The following C2orf78 variants were observed in gnomAD, a reference collection of about 807,000 sequenced individuals.
C2orf78 encodes uncharacterized protein C2orf78.
C2orf78 carries 12 observed loss-of-function variants against 21.4 expected under a neutral mutation model. The observed-to-expected ratio is 0.56, with a 90% CI of 0.36 to 0.91. C2orf78 has a LOEUF of 0.91. Ranked by LOEUF, C2orf78 falls within the 40% of genes least tolerant of loss-of-function variation. C2orf78 has a pLI of 0.01. For synonymous variants in C2orf78, 396 were observed against 413.9 expected (o/e 0.96, Z 0.52); for missense variants, 1,042 against 1,092.4 (o/e 0.95, Z 0.65).
chr2:73,812,999 C>A (rs1458407819), intron 1 of C2orf78, among the ~76,000 whole-genome samples: 5 of 152,098 alleles, frequency 3.3e-5, no homozygotes, highest in Admixed American at 2.0e-4. Context: ...AGAAAAGACT[C>A]CTGGCAAGGA....
chr2:73,811,318 C>T (rs1166244172), intron 1 of C2orf78, among the ~76,000 whole-genome samples: 3 of 151,886 alleles, frequency 2.0e-5, no homozygotes, highest in East Asian at 1.9e-4. Flanking sequence ...ATGTTGCTTC[C>T]TACAAACAAG....
rs1241094442 is a variant in C2orf78, at chr2:73,811,590, A to T, written c.98-1887A>T. On this transcript the variant is annotated intron_variant, in intron 1 of 2. Transcript: ENST00000409561. Reference sequence around the variant, plus strand: ...ATAATGGACTGCTTTTAGACCTAAGAATAAAAAGTCAAGCCACATATCAGC... The same window carrying T: ...ATAATGGACTGCTTTTAGACCTAAGTATAAAAAGTCAAGCCACATATCAGC... 1.6e-4 allele frequency among the ~76,000 whole-genome samples: 25 copies of T among 152,204 alleles called. 1 individual carries two copies. The highest frequency in any genetic ancestry group is 1.6e-3 in the Admixed American group (25 of 15,268).
chr2:73,809,556 G>C (rs1257186971), intron 1 of C2orf78, among the ~76,000 whole-genome samples: 1 of 151,916 alleles, frequency 6.6e-6, no homozygotes, highest in Non-Finnish European at 1.5e-5. Context: ...AGCCTGAGGT[G>C]GGAGGATCGC....
chr2:73,817,025 G>A lies in C2orf78; in HGVS notation c.*33G>A, dbSNP rs545818920. ...GATTGTTGGTTTTACTTTGGATACCGCTGGTTTTCCACATATATAGATAGA... is the reference window on the plus strand; with the variant it reads ...GATTGTTGGTTTTACTTTGGATACCACTGGTTTTCCACATATATAGATAGA... On this transcript the variant is annotated 3_prime_UTR_variant, in exon 3 of 3. Transcript: ENST00000409561. 3.6e-5 allele frequency: 56 copies of A among 1,569,284 alleles called. No homozygotes were observed. In the Middle Eastern group the frequency reaches 5.1e-4, roughly 14 times the overall value.
exon 3 of C2orf78, chr2:73,816,304 T>C: frequency 6.2e-7 from 1 of 1,613,796 alleles, no homozygotes; most frequent in South Asian, 1.1e-5. Flanking sequence ...GCCCAGAAAC[T>C]AGATGGTAGT....
intron 1 of C2orf78, among the ~76,000 whole-genome samples, chr2:73,785,777 T>C (rs1672914103): frequency 6.6e-6 from 1 of 152,030 alleles, no homozygotes; most frequent in Non-Finnish European, 1.5e-5. Context: ...CCAGGCTCGG[T>C]GGCTTACACC....
intron 1 of C2orf78, among the ~76,000 whole-genome samples, chr2:73,785,589 G>A (rs1672909858): frequency 6.6e-6 from 1 of 151,210 alleles, no homozygotes; most frequent in Non-Finnish European, 1.5e-5. Context: ...GCAAAATGAA[G>A]TTGATTTTAG....
chr2:73,809,811 A>G lies in C2orf78; in HGVS notation c.98-3666A>G, dbSNP rs147295226. On this transcript the variant is annotated intron_variant, in intron 1 of 2. Coordinates refer to ENST00000409561, the Ensembl canonical transcript of C2orf78. Reference sequence around the variant, plus strand: ...AGAAACAAATAAACAAACAAAAGTAATATTCATGTTTTGGACATTCCTATC... The same window carrying G: ...AGAAACAAATAAACAAACAAAAGTAGTATTCATGTTTTGGACATTCCTATC... 6.4e-3 allele frequency among the ~76,000 whole-genome samples: 976 copies of G among 152,216 alleles called. 9 individuals carry two copies. The highest frequency in any genetic ancestry group is 0.021 in the African/African-American group (891 of 41,514).
chr2:73,813,466 G>C lies in C2orf78; in HGVS notation c.98-11G>C, dbSNP rs1673128119. On this transcript the variant is annotated splice_polypyrimidine_tract_variant and intron_variant, in intron 1 of 2. Coordinates refer to ENST00000409561, the Ensembl canonical transcript of C2orf78. ...TCATCGGTTTTTTCATCTCTCTCTT[G>C]TTTCCTACAGAATATTTCCAAAATA... 1.3e-6 allele frequency: 2 copies of C among 1,573,814 alleles called. No individual in the cohort carries two copies. Among genetic ancestry groups the C allele is most frequent in the South Asian group, 2.4e-5 (2 of 84,568 alleles).
intron 1 of C2orf78, among the ~76,000 whole-genome samples, chr2:73,792,508 C>T (rs1672945474): frequency 1.4e-5 from 2 of 145,540 alleles, no homozygotes; most frequent in South Asian, 4.2e-4. Context: ...AAAGAATTGT[C>T]TATTTTGTTA....
chr2:73,809,235 G>T (rs1378033141), intron 1 of C2orf78, among the ~76,000 whole-genome samples: 1 of 152,042 alleles, frequency 6.6e-6, no homozygotes, highest in Non-Finnish European at 1.5e-5. Flanking sequence ...CATTTCAACA[G>T]AAACAGAGAA....
exon 3 of C2orf78, chr2:73,816,623 C>G: frequency 6.2e-7 from 1 of 1,613,394 alleles, no homozygotes; most frequent in Non-Finnish European, 8.5e-7. Flanking sequence ...CCAACCCTAC[C>G]CAGCCTACTG....
chr2:73,812,526 C>G (rs1673110339), intron 1 of C2orf78, among the ~76,000 whole-genome samples: 1 of 152,082 alleles, frequency 6.6e-6, no homozygotes, highest in South Asian at 2.1e-4. Context: ...CTTGGCCAGG[C>G]ATTGTGGCTC....
intron 1 of C2orf78, among the ~76,000 whole-genome samples, chr2:73,807,067 G>T (rs1307745215): frequency 6.9e-6 from 1 of 144,580 alleles, no homozygotes; most frequent in Non-Finnish European, 1.5e-5. Context: ...TGTAATCCCA[G>T]CTACTCGGGA....
intron 1 of C2orf78, among the ~76,000 whole-genome samples, chr2:73,810,049 A>G (rs1673046767): frequency 1.3e-5 from 2 of 152,194 alleles, no homozygotes; most frequent in African/African-American, 2.4e-5. Context: ...AGTGAAATCT[A>G]TTCAAAATAG....
chr2:73,816,947 G>A lies in C2orf78; in HGVS notation c.2724G>A (p.Arg908=), dbSNP rs767988843. The A allele has an allele frequency of 2.4e-5, 38 of 1,611,414 alleles. No homozygotes were observed. In the Middle Eastern group the frequency reaches 6.6e-4, roughly 28 times the overall value. Residue 908 remains arginine, a synonymous_variant, in exon 3 of 3, where the codon AGG becomes AGA. Coordinates refer to ENST00000409561, the Ensembl canonical transcript of C2orf78. The stretch of plus-strand genomic sequence containing the variant: ...GGAAAGTGCAGTTTTTCATTGAAAG[G>A]GAAAGAGATATGGAAATTGCTGAAT...
At chr2:73,810,552 TAC>T (rs908890129) in intron 1 of C2orf78, among the ~76,000 whole-genome samples, 3 of 118,590 alleles carry the variant, frequency 2.5e-5, no homozygotes, top group African/African-American at 9.1e-5. Flanking sequence ...TATATATATA[TAC>T]ATAAAATATA....
At position 73,816,160 on chromosome 2, in the gene C2orf78, T is replaced by C. The variant is rs1333016952; in HGVS notation, c.1937T>C (p.Met646Thr). 6 of 1,613,748 alleles carry C rather than the reference T, an allele frequency of 3.7e-6. No homozygotes were observed. In the Admixed American group the frequency reaches 5.0e-5, roughly 13 times the overall value. The stretch of plus-strand genomic sequence containing the variant: ...CATGCACTCGGGAAAAAGATCGATA[T>C]GAAAACTGGATTCTCTTCCTCCAGG... Residue 646 changes from methionine (M) to threonine (T), a missense_variant, in exon 3 of 3, where the codon ATG becomes ACG. Coordinates refer to ENST00000409561, the Ensembl canonical transcript of C2orf78.
intron 1 of C2orf78, among the ~76,000 whole-genome samples, chr2:73,812,208 A>G (rs1324110557): frequency 6.6e-6 from 1 of 152,218 alleles, no homozygotes; most frequent in African/African-American, 2.4e-5. Context: ...AAGAGTAGAT[A>G]CTATTCAGTT....
Sources: gnomAD v4.1 joint callset for allele counts (sites outside exome capture counted in the v4.1 genomes callset) on GRCh38, gnomAD v4.1.1 for gene constraint, MANE v1.5 for transcripts, NCBI Gene and HGNC (gene_info 2026-07-23, HGNC 2026-07-21) for gene names.